RPGRIP1: variants seen among roughly 807,000 people sequenced by gnomAD.
The protein encoded by RPGRIP1 is RPGR interacting protein 1.
RPGRIP1 carries 128 observed loss-of-function variants against 157.9 expected under a neutral mutation model. The observed-to-expected ratio is 0.81, with a 90% confidence interval of 0.70 to 0.94. RPGRIP1 has a LOEUF of 0.94. RPGRIP1 is among the 40% of genes least tolerant of loss of function. RPGRIP1 has a pLI of 0.00. For missense variants in RPGRIP1, 1,486 were observed against 1,545.8 expected (o/e 0.96, Z 0.65); for synonymous variants, 554 against 571.6 (o/e 0.97, Z 0.44).
rs1285531904 is a variant in RPGRIP1, at chr14:21,303,410, A to G, written c.667A>G (p.Ser223Gly). 3.7e-6 allele frequency: 6 copies of G among 1,613,752 alleles called. No individual in the cohort carries two copies. Among genetic ancestry groups the G allele is most frequent in the South Asian group, 1.1e-5 (1 of 91,082 alleles). Residue 223 changes from serine (S) to glycine (G), a missense_variant, in exon 6 of 25, where the codon AGT becomes GGT. Ser to Gly is a moderately conservative substitution (Grantham distance 56). Transcript: ENST00000400017. The part of the protein sequence containing the change: ...AKPIGLCMPN[S>G]AHIMASNTMQ... The stretch of plus-strand genomic sequence containing the variant: ...ACCCATTGGTCTATGCATGCCTAAC[A>G]GTGCCCACATCATGGCCAGCAATAC...
chr14:21,309,653 C>G (rs943326432), intron 7 of RPGRIP1, among the ~76,000 whole-genome samples: 1 of 151,918 alleles, frequency 6.6e-6, no homozygotes, highest in Non-Finnish European at 1.5e-5. Flanking sequence ...CAGGTCTGGT[C>G]ATGAAGGACA....
intron 23 of RPGRIP1, among the ~76,000 whole-genome samples, chr14:21,347,040 T>C (rs977008494): frequency 6.6e-6 from 1 of 152,246 alleles, no homozygotes; most frequent in Non-Finnish European, 1.5e-5. Flanking sequence ...TTCCTTTCTG[T>C]GCTAATGTCA....
At chr14:21,295,757 T>G (rs1423925336) in intron 3 of RPGRIP1, among the ~76,000 whole-genome samples, 1 of 152,076 alleles carries the variant, frequency 6.6e-6, no homozygotes, top group Non-Finnish European at 1.5e-5. Flanking sequence ...ATTACAGGCT[T>G]GAGCCACCAC....
At chr14:21,321,226 T>C (rs1297986917) in intron 12 of RPGRIP1, 33 bp from the exon 13 acceptor site, 4 of 1,588,704 alleles carry the variant, frequency 2.5e-6, no homozygotes, top group Non-Finnish European at 3.4e-6. Flanking sequence ...GTCATATTTA[T>C]ACTCCCTTTT....
At chr14:21,329,974 C>T (rs1209892174) in intron 19 of RPGRIP1, among the ~76,000 whole-genome samples, 1 of 150,578 alleles carries the variant, frequency 6.6e-6, no homozygotes, top group Non-Finnish European at 1.5e-5. Flanking sequence ...AAAAATTAGT[C>T]AGGTGTGGTG....
At chr14:21,294,593 C>A in intron 2 of RPGRIP1, 84 bp from the exon 3 acceptor site, 2 of 1,340,420 alleles carry the variant, frequency 1.5e-6, no homozygotes, top group Non-Finnish European at 1.0e-6. Context: ...TTTATGCTCT[C>A]TGGACAAGAT....
chr14:21,348,309 CA>C lies in RPGRIP1; in HGVS notation c.3748+8del, dbSNP rs1184523286. The C allele has an allele frequency of 6.5e-7, 1 of 1,543,386 alleles. No individual in the cohort carries two copies. Among genetic ancestry groups the C allele is most frequent in the Non-Finnish European group, 8.7e-7 (1 of 1,149,328 alleles). ...CTAGAGCAAGAGCTAGACAGTGAGT[CA>C]TTTTTTTTTCAGTTCTAATTATTTC... is the stretch of plus-strand genomic sequence containing the variant. On this transcript the variant is annotated splice_region_variant and intron_variant, in intron 24 of 24. Transcript: ENST00000400017.
In RPGRIP1 at chr14:21,303,361, C is replaced by T. The variant is rs367764758; in HGVS notation, c.618C>T (p.Phe206=). ...LVSGSNSIIS[F]SSVISMAKPI... is the part of the protein sequence containing the mutation. ...CTGGTTCTAACAGCATAATTTCTTT[C>T]AGCAGTGTCATAAGTATGGCTAAAC... Residue 206 remains phenylalanine, a synonymous_variant, in exon 6 of 25, where the codon TTC becomes TTT. Transcript: ENST00000400017. The T allele has an allele frequency of 3.1e-6, 5 of 1,613,230 alleles. No individual in the cohort carries two copies. The highest frequency in any genetic ancestry group is 3.3e-4 in the Middle Eastern group (2 of 6,084).
intron 24 of RPGRIP1, among the ~76,000 whole-genome samples, chr14:21,350,231 T>C (rs1209744220): frequency 6.6e-6 from 1 of 151,818 alleles, no homozygotes; most frequent in Non-Finnish European, 1.5e-5. Context: ...CAAAAAAAAT[T>C]AGCCAGGCAT....
chr14:21,327,494 T>C (rs1276414085), intron 17 of RPGRIP1, 129 bp from the exon 18 acceptor site: 2 of 724,442 alleles, frequency 2.8e-6, no homozygotes, highest in Non-Finnish European at 4.7e-6. Context: ...AATTATTTAA[T>C]GGATGTTAAT....
Position 21,351,255 on chromosome 14 carries a change from AAC to A in RPGRIP1, c.*40_*41del, listed in dbSNP as rs777734528. 1 of 1,286,554 alleles carries A rather than the reference AAC, an allele frequency of 7.8e-7. No homozygotes were observed. Among genetic ancestry groups the A allele is most frequent in the South Asian group, 1.3e-5 (1 of 78,822 alleles). The allele number at this position is 1,286,554 out of a possible 1,614,324, so 79.7% of individuals were successfully genotyped here. On this transcript the variant is annotated 3_prime_UTR_variant, in exon 25 of 25. Transcript: ENST00000400017. ...ATTCCAATCTAAAAGTCTCTGAGGG[AAC>A]CATAGTAAAAAGTCTCTTATAAAGT...
intron 4 of RPGRIP1, among the ~76,000 whole-genome samples, chr14:21,301,975 C>G (rs201680713): frequency 6.6e-6 from 1 of 151,962 alleles, no homozygotes; most frequent in South Asian, 2.1e-4. Context: ...GAATGAGTAA[C>G]CTAGGTAAAG....
At chr14:21,317,139 A>G (rs1187343338) in intron 10 of RPGRIP1, among the ~76,000 whole-genome samples, 1 of 151,912 alleles carries the variant, frequency 6.6e-6, no homozygotes. Flanking sequence ...AGAAAAAAGA[A>G]AAAAAAAGGA....
In RPGRIP1 at chr14:21,345,102, C is replaced by T. The variant is rs1280131971; in HGVS notation, c.3533-11C>T. On this transcript the variant is annotated splice_polypyrimidine_tract_variant and intron_variant, in intron 22 of 24. Transcript: ENST00000400017. ...ATGATTCTTTGCTTTTTTCTCTTAC[C>T]CTTAATACAGTAATAGACCTGGACC... is the stretch of plus-strand genomic sequence containing the variant. The T allele has an allele frequency of 1.3e-6, 2 of 1,595,444 alleles. No individual in the cohort carries two copies. The highest frequency in any genetic ancestry group is 1.7e-6 in the Non-Finnish European group (2 of 1,163,056).
At chr14:21,324,273 C>A in intron 14 of RPGRIP1, 1 of 355,078 alleles carries the variant, frequency 2.8e-6, no homozygotes, top group Non-Finnish European at 5.3e-6. Context: ...GTTTCTAGTA[C>A]TTCTCTTATG....
chr14:21,338,249 G>A (rs1381262992), intron 21 of RPGRIP1, among the ~76,000 whole-genome samples: 2 of 152,190 alleles, frequency 1.3e-5, no homozygotes, highest in African/African-American at 4.8e-5. Flanking sequence ...TGAGGAGGGA[G>A]CAATCATTTT....
chr14:21,338,727 G>A (rs1468001993), intron 21 of RPGRIP1, among the ~76,000 whole-genome samples: 3 of 152,218 alleles, frequency 2.0e-5, no homozygotes, highest in Non-Finnish European at 4.4e-5. Flanking sequence ...ACATCTGTGT[G>A]TACTTGGATC....
intron 5 of RPGRIP1, 33 bp downstream of exon 5, chr14:21,302,617 T>A: frequency 7.9e-7 from 1 of 1,271,032 alleles, no homozygotes; most frequent in South Asian, 1.4e-5. Context: ...ATGTTGTTAT[T>A]CCTGCCACTT....
intron 12 of RPGRIP1, among the ~76,000 whole-genome samples, chr14:21,320,490 A>G (rs1271197797): frequency 6.7e-6 from 1 of 150,224 alleles, no homozygotes; most frequent in East Asian, 2.0e-4. Flanking sequence ...ACGGGGTTTC[A>G]CCGTGTTAGC....
Sources: gnomAD v4.1 joint callset for allele counts (sites outside exome capture counted in the v4.1 genomes callset) on GRCh38, gnomAD v4.1.1 for gene constraint, MANE v1.5 for transcripts, NCBI Gene and HGNC (gene_info 2026-07-23, HGNC 2026-07-21) for gene names.